The following ST6GALNAC5 variants were observed in gnomAD, a reference collection of about 807,000 sequenced individuals.
The protein encoded by ST6GALNAC5 is alpha-N-acetylgalactosaminide alpha-2,6-sialyltransferase 5.
Under a neutral mutation model 33.6 loss-of-function variants are expected in ST6GALNAC5, and 27 were observed. The observed-to-expected ratio is 0.80, with a 90% CI of 0.59 to 1.11. The LOEUF (loss-of-function observed/expected upper bound fraction) is 1.11. Ranked by LOEUF, ST6GALNAC5 falls within the 50% of genes least tolerant of loss-of-function variation. The probability of loss-of-function intolerance (pLI) is 0.00; values close to 1 mark genes in which losing one functional copy is unlikely to be tolerated. For synonymous variants in ST6GALNAC5, 194 were observed against 171.2 expected (o/e 1.13, Z -1.04); for missense variants, 428 against 454.0 (o/e 0.94, Z 0.52).
chr1:76,968,978 C>T (rs188008491), intron 2 of ST6GALNAC5, among the ~76,000 whole-genome samples: 14 of 152,240 alleles, frequency 9.2e-5, no homozygotes, highest in African/African-American at 2.9e-4. Flanking sequence ...TCCCTTTGTG[C>T]GTTACCCAAC....
intron 2 of ST6GALNAC5, among the ~76,000 whole-genome samples, chr1:77,006,904 T>G (rs1487623057): frequency 6.6e-6 from 1 of 152,200 alleles, no homozygotes; most frequent in African/African-American, 2.4e-5. Context: ...ATCCAGTGGT[T>G]GCTTGGCTAT....
intron 2 of ST6GALNAC5, among the ~76,000 whole-genome samples, chr1:77,023,880 G>A (rs1570108507): frequency 6.6e-6 from 1 of 152,294 alleles, no homozygotes; most frequent in East Asian, 1.9e-4. Flanking sequence ...GGTGCCATGA[G>A]CAGGTGTCCT....
intron 2 of ST6GALNAC5, among the ~76,000 whole-genome samples, chr1:76,980,103 T>A (rs1027471319): frequency 9.2e-5 from 14 of 152,206 alleles, no homozygotes; most frequent in African/African-American, 3.4e-4. Context: ...TTAATTAAGA[T>A]TAATTTTAAA....
chr1:77,001,552 G>A (rs1650165996), intron 2 of ST6GALNAC5, among the ~76,000 whole-genome samples: 1 of 149,438 alleles, frequency 6.7e-6, no homozygotes, highest in African/African-American at 2.5e-5. Flanking sequence ...GGTGAGAGAG[G>A]GCATCCCTGT....
intron 2 of ST6GALNAC5, among the ~76,000 whole-genome samples, chr1:77,027,283 C>T (rs781505639): frequency 1.4e-4 from 21 of 152,202 alleles, no homozygotes; most frequent in Non-Finnish European, 2.6e-4. Flanking sequence ...GGGCTTATGA[C>T]CAAGTCTCAG....
intron 1 of ST6GALNAC5, 107 bp downstream of exon 1, chr1:76,867,797 G>T: frequency 6.5e-7 from 1 of 1,532,058 alleles, no homozygotes; most frequent in Non-Finnish European, 9.0e-7. Context: ...GGGCCGCGAG[G>T]TCGCCTGTTA....
intron 2 of ST6GALNAC5, among the ~76,000 whole-genome samples, chr1:76,912,547 G>A (rs938678975): frequency 6.6e-6 from 1 of 151,582 alleles, no homozygotes; most frequent in African/African-American, 2.4e-5. Context: ...CATTATTATT[G>A]TGTGGGAGTC....
rs934119597 is a variant in ST6GALNAC5 at position 77,063,554 on chromosome 1, T to C, written c.*348T>C. 3.8e-6 allele frequency: 1 copy of C among 264,252 alleles called. No homozygotes were observed. Among genetic ancestry groups the C allele is most frequent in the Non-Finnish European group, 7.3e-6 (1 of 136,228 alleles). The allele number at this position is 264,252 out of a possible 1,614,324, so 16.4% of individuals were successfully genotyped here. ...CAACAATATTAGTTGCATTCCTTTA[T>C]AGACATACCATGTCAAAGACGTTTT... On this transcript the variant is annotated 3_prime_UTR_variant, in exon 5 of 5. Coordinates refer to ENST00000477717, the MANE Select transcript of ST6GALNAC5 (RefSeq NM_030965.3).
intron 2 of ST6GALNAC5, among the ~76,000 whole-genome samples, chr1:76,927,598 G>T (rs911831819): frequency 6.6e-6 from 1 of 152,116 alleles, no homozygotes; most frequent in Admixed American, 6.6e-5. Context: ...GAGTGGCAGA[G>T]AACTATAGCA....
chr1:76,890,726 T>C (rs1210335072), intron 2 of ST6GALNAC5, among the ~76,000 whole-genome samples: 1 of 152,104 alleles, frequency 6.6e-6, no homozygotes, highest in Non-Finnish European at 1.5e-5. Flanking sequence ...GTTACTATGG[T>C]TAATTTAGAA....
chr1:76,915,957 C>A (rs1646969553), intron 2 of ST6GALNAC5, among the ~76,000 whole-genome samples: 1 of 150,088 alleles, frequency 6.7e-6, no homozygotes, highest in South Asian at 2.1e-4. Flanking sequence ...GGAATGTTAA[C>A]AGAAAACATG....
chr1:77,062,866 C>A (rs1030942842), intron 4 of ST6GALNAC5, 109 bp from the exon 5 acceptor site: 2 of 742,358 alleles, frequency 2.7e-6, no homozygotes, highest in Non-Finnish European at 4.4e-6. Flanking sequence ...ACTCATTTAA[C>A]TAGAAAATAC....
intron 2 of ST6GALNAC5, among the ~76,000 whole-genome samples, chr1:76,986,801 G>T (rs1424928936): frequency 6.6e-6 from 1 of 152,106 alleles, no homozygotes; most frequent in African/African-American, 2.4e-5. Flanking sequence ...AGAAAATGTG[G>T]CACATATACA....
At chr1:76,940,162 T>C (rs1417162474) in intron 2 of ST6GALNAC5, among the ~76,000 whole-genome samples, 1 of 152,072 alleles carries the variant, frequency 6.6e-6, no homozygotes, top group African/African-American at 2.4e-5. Flanking sequence ...CTATAATTAC[T>C]GGACACGACT....
At chr1:76,951,938 G>C (rs1369979859) in intron 2 of ST6GALNAC5, among the ~76,000 whole-genome samples, 5 of 152,098 alleles carry the variant, frequency 3.3e-5, no homozygotes, top group Non-Finnish European at 7.4e-5. Context: ...AAACCAAAAA[G>C]ACCTGTGTTG....
chr1:76,920,103 T>C (rs1457999279), intron 2 of ST6GALNAC5, among the ~76,000 whole-genome samples: 6 of 152,156 alleles, frequency 3.9e-5, no homozygotes, highest in African/African-American at 1.4e-4. Flanking sequence ...TTATTTCACA[T>C]GTAAATTAGG....
intron 3 of ST6GALNAC5, among the ~76,000 whole-genome samples, chr1:77,048,181 G>T (rs550764184): frequency 2.6e-5 from 4 of 152,282 alleles, no homozygotes; most frequent in African/African-American, 7.2e-5. Context: ...TCAGGCTGTG[G>T]TTTACAATCT....
At chr1:76,965,250 T>C (rs1336620979) in intron 2 of ST6GALNAC5, among the ~76,000 whole-genome samples, 1 of 152,188 alleles carries the variant, frequency 6.6e-6, no homozygotes, top group Non-Finnish European at 1.5e-5. Flanking sequence ...CATTCCTATT[T>C]CTCCACATCC....
intron 2 of ST6GALNAC5, among the ~76,000 whole-genome samples, chr1:76,869,786 A>G (rs1557703937): frequency 6.6e-6 from 1 of 152,258 alleles, no homozygotes; most frequent in Non-Finnish European, 1.5e-5. Flanking sequence ...TTTGAAAGGT[A>G]TAAAAGAATT....
Sources: allele counts gnomAD v4.1 joint callset (sites outside exome capture counted in the v4.1 genomes callset), GRCh38; gene constraint gnomAD v4.1.1; transcripts MANE v1.5; gene names NCBI Gene and HGNC (gene_info 2026-07-23, HGNC 2026-07-21).